Variants in AMHR2 observed in about 807,000 individuals in gnomAD.
The protein encoded by AMHR2 is anti-Mullerian hormone receptor type 2, also known as anti-Muellerian hormone type-2 receptor.
Under a neutral mutation model 61.4 loss-of-function variants are expected in AMHR2, and 36 were observed. The ratio of observed to expected loss-of-function variants is 0.59; its 90% CI spans 0.45 to 0.77. The LOEUF is 0.77. AMHR2 is among the 30% of genes least tolerant of loss of function. AMHR2 has a pLI of 0.00. For synonymous variants in AMHR2, 258 were observed against 279.4 expected (o/e 0.92, Z 0.76); for missense variants, 638 against 714.6 (o/e 0.89, Z 1.22).
chr12:53,425,640 G>A, intron 5 of AMHR2, 49 bp from the exon 6 acceptor site: 1 of 1,612,886 alleles, frequency 6.2e-7, no homozygotes, highest in Non-Finnish European at 8.5e-7. Context: ...GAGGAATCCT[G>A]GCCCTGTTAT....
intron 10 of AMHR2, 80 bp downstream of exon 10, chr12:53,430,362 G>A (rs1940008671): frequency 1.2e-6 from 2 of 1,605,156 alleles, no homozygotes; most frequent in African/African-American, 1.3e-5. Flanking sequence ...CTGCCAGAGT[G>A]TCTGTCTACT....
At chr12:53,424,528 G>C (rs913421321) in intron 2 of AMHR2, 58 bp downstream of exon 2, 1 of 1,590,656 alleles carries the variant, frequency 6.3e-7, no homozygotes, top group Non-Finnish European at 8.6e-7. Context: ...CACATCCTGG[G>C]GTGTGGGTGG....
intron 7 of AMHR2, among the ~76,000 whole-genome samples, 185 bp downstream of exon 7, chr12:53,429,195 A>G (rs1939886587): frequency 6.6e-6 from 1 of 152,168 alleles, no homozygotes; most frequent in Admixed American, 6.5e-5. Context: ...GATCGAGGCC[A>G]TCCTGGCTAA....
rs371414795 is a variant in AMHR2 at position 53,425,128 on chromosome 12, A to G, written c.425-37A>G. The G allele has an allele frequency of 1.4e-5, 22 of 1,612,462 alleles. No individual in the cohort carries two copies. The African/African-American group carries it at 2.4e-4, about 18-fold the overall frequency. ...GAAGAGCAGAGAGCAGGTTTGGGTCAGTGCTCTCCAGCCTGCATTCTTGCC... is the reference window on the plus strand; with the variant it reads ...GAAGAGCAGAGAGCAGGTTTGGGTCGGTGCTCTCCAGCCTGCATTCTTGCC... On this transcript the variant is annotated intron_variant, in intron 3 of 10. Coordinates refer to ENST00000257863, the MANE Select transcript of AMHR2 (RefSeq NM_020547.3).
At chr12:53,427,960 T>G (rs1939760024) in intron 6 of AMHR2, among the ~76,000 whole-genome samples, 1 of 152,190 alleles carries the variant, frequency 6.6e-6, no homozygotes, top group Non-Finnish European at 1.5e-5. Context: ...CCACCACCTG[T>G]TTCAGAGCCC....
chr12:53,427,151 C>T (rs1939677042), intron 6 of AMHR2, among the ~76,000 whole-genome samples: 5 of 151,998 alleles, frequency 3.3e-5, no homozygotes, highest in Admixed American at 3.3e-4. Flanking sequence ...GCAGGGGAGA[C>T]AGAAATGGAT....
rs1442096231 is a variant in AMHR2 at position 53,424,057 on chromosome 12, AC to A, written c.49+78del. 2.6e-6 allele frequency: 4 copies of A among 1,557,098 alleles called. No homozygotes were observed. In the African/African-American group the frequency reaches 4.1e-5, roughly 16 times the overall value. On this transcript the variant is annotated intron_variant, in intron 1 of 10. Coordinates refer to ENST00000257863, the MANE Select transcript of AMHR2 (RefSeq NM_020547.3). The stretch of plus-strand genomic sequence containing the variant: ...GAAAGGGGCGCTTGAAGCAAGAGCC[AC>A]CCCTTTGGAAGAGTGGTGAGTGGGC...
At position 53,429,606 on chromosome 12, in the gene AMHR2, G is replaced by C; in HGVS notation, c.1121G>C (p.Gly374Ala). The C allele has an allele frequency of 7.4e-6, 12 of 1,614,066 alleles. No individual in the cohort carries two copies. Among genetic ancestry groups the C allele is most frequent in the Non-Finnish European group, 1.0e-5 (12 of 1,180,004 alleles). Residue 374 changes from glycine (G) to alanine (A), a missense_variant, in exon 8 of 11, where the codon GGC becomes GCC. Physicochemically the swap from Gly to Ala is moderately conservative, Grantham distance 60. Transcript: ENST00000257863. ...GCCTGGACCCCTACTCAACCACAAG[G>C]CCCAGCTGCCATCATGGAAGTGAGT... ...PPAWTPTQPQ[G>A]PAAIMEAGTQ...
In AMHR2 at chr12:53,424,471, G is replaced by A. The variant is rs763798144; in HGVS notation, c.232+1G>A. The A allele has an allele frequency of 6.2e-7, 1 of 1,612,568 alleles. No individual in the cohort carries two copies. The highest frequency in any genetic ancestry group is 1.1e-5 in the South Asian group (1 of 90,868). On this transcript the variant is annotated splice_donor_variant, in intron 2 of 10. Transcript: ENST00000257863. LOFTEE classifies it high-confidence loss of function. ...GACCGGGCACAGGTGGAAATGCAAG[G>A]TGAATGGCAAAGTATATGGCAGGTG...
intron 6 of AMHR2, among the ~76,000 whole-genome samples, chr12:53,426,706 G>T (rs1022375885): frequency 6.6e-6 from 1 of 151,658 alleles, no homozygotes; most frequent in African/African-American, 2.4e-5. Flanking sequence ...GTGGGAGGAC[G>T]GAGTCTTGCT....
In AMHR2 at chr12:53,429,916, A is replaced by G. The variant is rs1475238683; in HGVS notation, c.1226A>G (p.Asp409Gly). Residue 409 changes from aspartate (D) to glycine (G), a missense_variant, in exon 9 of 11, where the codon GAT becomes GGT. By Grantham distance (94) the Asp-to-Gly change is moderately conservative. Coordinates refer to ENST00000257863, the MANE Select transcript of AMHR2 (RefSeq NM_020547.3). ...QDWGMALRRADIYSLALLLWE... is the reference protein window; with the variant it reads ...QDWGMALRRAGIYSLALLLWE... ...TGGGGCATGGCCCTCCGACGAGCTG[A>G]TATTTACTCTTTGGCTCTGCTCCTG... The G allele has an allele frequency of 6.2e-7, 1 of 1,614,120 alleles. No homozygotes were observed. Among genetic ancestry groups the G allele is most frequent in the Admixed American group, 1.7e-5 (1 of 60,012 alleles).
At chr12:53,428,013 T>A (rs980046264) in intron 6 of AMHR2, among the ~76,000 whole-genome samples, 2 of 152,328 alleles carry the variant, frequency 1.3e-5, no homozygotes, top group African/African-American at 4.8e-5. Context: ...CACCTACAGC[T>A]TCTGTACTTC....
At chr12:53,427,887 GTC>G (rs949481309) in intron 6 of AMHR2, among the ~76,000 whole-genome samples, 1 of 152,132 alleles carries the variant, frequency 6.6e-6, no homozygotes, top group Non-Finnish European at 1.5e-5. Context: ...GACTGTGTGT[GTC>G]TCTGTCCACG....
Position 53,424,798 on chromosome 12 carries a change from A to G in AMHR2, c.322A>G (p.Thr108Ala), listed in dbSNP as rs552083814. 2 of 1,613,312 alleles carry G rather than the reference A, an allele frequency of 1.2e-6. No homozygotes were observed. The highest frequency in any genetic ancestry group is 2.7e-5 in the African/African-American group (2 of 74,626). Reference sequence around the variant, plus strand: ...CCCCAGCCCTGGCTCCACTCTCTTCACCTGCTCCTGTGGCACTGACTTCTG... The same window carrying G: ...CCCCAGCCCTGGCTCCACTCTCTTCGCCTGCTCCTGTGGCACTGACTTCTG... ...AHPSPGSTLF[T>A]CSCGTDFCNA... Residue 108 changes from threonine to alanine, a missense_variant, in exon 3 of 11, where the codon ACC becomes GCC. Coordinates refer to ENST00000257863, the MANE Select transcript of AMHR2 (RefSeq NM_020547.3).
At chr12:53,428,858 G>A in intron 6 of AMHR2, 38 bp from the exon 7 acceptor site, 1 of 1,479,232 alleles carries the variant, frequency 6.8e-7, no homozygotes, top group Non-Finnish European at 9.2e-7. Flanking sequence ...GCCGTCTCCA[G>A]CTTTGTGTAC....
chr12:53,428,505 A>T (rs1939811458), intron 6 of AMHR2, among the ~76,000 whole-genome samples: 1 of 152,156 alleles, frequency 6.6e-6, no homozygotes, highest in Non-Finnish European at 1.5e-5. Flanking sequence ...AGTGATCCTG[A>T]GTCAGACTGC....
chr12:53,424,691 C>T lies in AMHR2; in HGVS notation c.233-18C>T. Reference sequence around the variant, plus strand: ...TGCCCCCCCTTTCTCTCCTCTTCCCCTAATCCCATCCCATCAGGATGCCGA... The same window carrying T: ...TGCCCCCCCTTTCTCTCCTCTTCCCTTAATCCCATCCCATCAGGATGCCGA... On this transcript the variant is annotated intron_variant, in intron 2 of 10. Coordinates refer to ENST00000257863, the MANE Select transcript of AMHR2 (RefSeq NM_020547.3). The T allele has an allele frequency of 6.2e-7, 1 of 1,612,672 alleles. No individual in the cohort carries two copies. Among genetic ancestry groups the T allele is most frequent in the East Asian group, 2.2e-5 (1 of 44,878 alleles).
rs114082777 is a variant in AMHR2, at chr12:53,425,898, G to C, written c.831G>C (p.Leu277=). Residue 277 remains leucine (L), a synonymous_variant, in exon 6 of 11, where the codon CTG becomes CTC. Transcript: ENST00000257863. ...GCCGCCTGCTCTCTGGGCCCCTGCTGGTACTGGAACTGCATCCCAAGGTGA... is the reference window on the plus strand; with the variant it reads ...GCCGCCTGCTCTCTGGGCCCCTGCTCGTACTGGAACTGCATCCCAAGGTGA... ...GPGRLLSGPL[L]VLELHPKGSL... is the part of the protein sequence containing the mutation. 6.2e-7 allele frequency: 1 copy of C among 1,613,906 alleles called. No homozygotes were observed. The highest frequency in any genetic ancestry group is 8.5e-7 in the Non-Finnish European group (1 of 1,180,026).
In AMHR2 at chr12:53,425,851, A is replaced by G. The variant is rs1235128110; in HGVS notation, c.784A>G (p.Thr262Ala). The change falls in exon 6 of 11, where the codon ACT (threonine) becomes GCT (alanine). Residue 262 changes from threonine to alanine, a missense_variant. Transcript: ENST00000257863. ...LQHDHIVRFI[T>A]ASRGGPGRLL... is the part of the protein sequence containing the mutation. ...GCACGACCACATTGTCCGATTTATCACTGCCAGCCGGGGGGGTCCTGGCCG... is the reference window on the plus strand; with the variant it reads ...GCACGACCACATTGTCCGATTTATCGCTGCCAGCCGGGGGGGTCCTGGCCG... 8 of 1,613,892 alleles carry G rather than the reference A, an allele frequency of 5.0e-6. No individual in the cohort carries two copies. Among genetic ancestry groups the G allele is most frequent in the African/African-American group, 1.3e-5 (1 of 74,854 alleles).
Sources: allele counts gnomAD v4.1 joint callset (sites outside exome capture counted in the v4.1 genomes callset), GRCh38; gene constraint gnomAD v4.1.1; transcripts MANE v1.5; gene names NCBI Gene and HGNC (gene_info 2026-07-23, HGNC 2026-07-21).